TNRC6A: variants seen among roughly 807,000 people sequenced by gnomAD.
The protein encoded by TNRC6A is trinucleotide repeat containing adaptor 6A.
Under a neutral mutation model 221.2 loss-of-function variants are expected in TNRC6A, and 44 were observed. The observed-to-expected ratio is 0.20, with a 90% confidence interval of 0.16 to 0.26. The LOEUF is 0.26. Ranked by LOEUF, TNRC6A falls within the 10% of genes least tolerant of loss-of-function variation. The probability of loss-of-function intolerance (pLI) is 1.00; values close to 1 mark genes in which losing one functional copy is unlikely to be tolerated. For synonymous variants in TNRC6A, 847 were observed against 838.5 expected (o/e 1.01, Z -0.18); for missense variants, 2,199 against 2,404.4 (o/e 0.91, Z 1.79).
intron 2 of TNRC6A, among the ~76,000 whole-genome samples, chr16:24,694,408 C>T (rs1304851728): frequency 6.6e-6 from 1 of 152,124 alleles, no homozygotes; most frequent in African/African-American, 2.4e-5. Context: ...GTAATCCCAG[C>T]ACTTTGGGAG....
At chr16:24,768,432 CAAA>C (rs35193077) in intron 4 of TNRC6A, among the ~76,000 whole-genome samples, 9 of 89,176 alleles carry the variant, frequency 1.0e-4, no homozygotes, top group Non-Finnish European at 1.5e-4. Context: ...GACTCTGTCT[CAAA>C]AAAAAAAAAA....
In TNRC6A at chr16:24,824,073, C is replaced by A; in HGVS notation, c.*266C>A. The A allele has an allele frequency of 3.5e-5, 8 of 226,044 alleles. No homozygotes were observed. The highest frequency in any genetic ancestry group is 1.5e-4 in the East Asian group (2 of 13,730). 14.0% of individuals were successfully genotyped at this position (226,044 alleles called of 1,614,324 possible). The stretch of plus-strand genomic sequence containing the variant: ...GAGAATGAGCTCGCTTGTGTCTATT[C>A]ATCATGTTTAGCCTTTGGATTCTTT... On this transcript the variant is annotated 3_prime_UTR_variant, in exon 25 of 25. Coordinates refer to ENST00000395799, the MANE Select transcript of TNRC6A (RefSeq NM_014494.4).
chr16:24,822,059 C>CA lies in TNRC6A; in HGVS notation c.5303-18_5303-17insA. On this transcript the variant is annotated splice_polypyrimidine_tract_variant and intron_variant, in intron 22 of 24. Transcript: ENST00000395799. ...TTCAGTCCTGGAAAACTGACTTGTC[C>CA]TTTTTTTCCTTGTTTAGGTTCCAGC... is the stretch of plus-strand genomic sequence containing the variant. The CA allele has an allele frequency of 6.2e-7, 1 of 1,613,812 alleles. No individual in the cohort carries two copies. Among genetic ancestry groups the CA allele is most frequent in the Non-Finnish European group, 8.5e-7 (1 of 1,179,744 alleles).
chr16:24,638,174 T>G (rs991259625), intron 1 of TNRC6A, among the ~76,000 whole-genome samples: 1 of 152,154 alleles, frequency 6.6e-6, no homozygotes, highest in Non-Finnish European at 1.5e-5. Flanking sequence ...TCCCAGCATT[T>G]TGGGAGGCCG....
chr16:24,655,003 G>T (rs1902883537), intron 2 of TNRC6A, among the ~76,000 whole-genome samples: 1 of 152,146 alleles, frequency 6.6e-6, no homozygotes, highest in Non-Finnish European at 1.5e-5. Context: ...AGCACTTTGG[G>T]AGCCCAAGGT....
chr16:24,682,961 T>C (rs918115211), intron 2 of TNRC6A, among the ~76,000 whole-genome samples: 2 of 152,102 alleles, frequency 1.3e-5, no homozygotes, highest in Non-Finnish European at 2.9e-5. Context: ...AGATAGTTGT[T>C]TACATTCTAA....
chr16:24,776,823 T>G (rs56109657), intron 4 of TNRC6A, 110 bp from the exon 5 acceptor site: 3 of 1,511,132 alleles, frequency 2.0e-6, no homozygotes, highest in Admixed American at 2.3e-5. Context: ...ACAGAAAGCT[T>G]CTGTTTTTTT....
chr16:24,784,093 C>G (rs1038560825), intron 5 of TNRC6A, among the ~76,000 whole-genome samples: 1 of 152,166 alleles, frequency 6.6e-6, no homozygotes, highest in Non-Finnish European at 1.5e-5. Context: ...CCTCCACCTC[C>G]TGGGTTCAAA....
chr16:24,802,502 T>C (rs547619472), intron 11 of TNRC6A, among the ~76,000 whole-genome samples: 16 of 152,108 alleles, frequency 1.1e-4, no homozygotes, highest in Middle Eastern at 3.2e-3. Flanking sequence ...TGAGCCAAGA[T>C]TGTGCCACTA....
At chr16:24,706,537 C>G (rs568086840) in intron 2 of TNRC6A, among the ~76,000 whole-genome samples, 1 of 151,794 alleles carries the variant, frequency 6.6e-6, no homozygotes, top group African/African-American at 2.4e-5. Context: ...CGGTGAAACC[C>G]CATCTCCACT....
chr16:24,793,739 T>G, intron 7 of TNRC6A, 90 bp downstream of exon 7: 1 of 1,058,498 alleles, frequency 9.4e-7, no homozygotes, highest in Non-Finnish European at 1.2e-6. Context: ...GTTTCTATGT[T>G]ATTTATAATA....
intron 11 of TNRC6A, among the ~76,000 whole-genome samples, chr16:24,802,272 G>A (rs1410137183): frequency 2.0e-5 from 3 of 152,176 alleles, no homozygotes; most frequent in African/African-American, 7.2e-5. Flanking sequence ...AATGAGGCCG[G>A]GCACAGTGGC....
Position 24,804,288 on chromosome 16 carries a change from C to G in TNRC6A, c.3806C>G (p.Ser1269Cys). ...PGSRPQISKESSMERNPYFDK... is the reference protein window; with the variant it reads ...PGSRPQISKECSMERNPYFDK... ...TCTCGGCCTCAGATTTCCAAAGAGT[C>G]TTCCATGGAGCGCAATCCTTATTTT... The change falls in exon 12 of 25, where the codon TCT (serine) becomes TGT (cysteine). Residue 1269 changes from serine (S) to cysteine (C), a missense_variant. Coordinates refer to ENST00000395799, the MANE Select transcript of TNRC6A (RefSeq NM_014494.4). 1 of 1,613,474 alleles carries G rather than the reference C, an allele frequency of 6.2e-7. No homozygotes were observed. Among genetic ancestry groups the G allele is most frequent in the South Asian group, 1.1e-5 (1 of 90,912 alleles).
rs1321912321 is a variant in TNRC6A at position 24,815,527 on chromosome 16, G to A, written c.4831+222G>A. ...CCTTTATGCTCAAGCAGCAGAGGTA[G>A]AAGTGAGCCCCATTGACCAGCATGA... is the stretch of plus-strand genomic sequence containing the variant. On this transcript the variant is annotated intron_variant, in intron 19 of 24. Transcript: ENST00000395799. 4 of 561,954 alleles carry A rather than the reference G, an allele frequency of 7.1e-6. No homozygotes were observed. In the African/African-American group the frequency reaches 7.5e-5, roughly 11 times the overall value. 34.8% of individuals were successfully genotyped at this position (561,954 alleles called of 1,614,324 possible).
At chr16:24,799,620 G>A (rs1224070944) in intron 11 of TNRC6A, among the ~76,000 whole-genome samples, 3 of 152,120 alleles carry the variant, frequency 2.0e-5, no homozygotes, top group African/African-American at 7.2e-5. Context: ...AAAATGCTTG[G>A]CCTATACAAA....
chr16:24,703,427 T>C (rs1223705950), intron 2 of TNRC6A, among the ~76,000 whole-genome samples: 1 of 152,166 alleles, frequency 6.6e-6, no homozygotes, highest in Non-Finnish European at 1.5e-5. Context: ...TGTGCTAAAT[T>C]TTGTTAGCTA....
chr16:24,660,154 C>A, intron 2 of TNRC6A, among the ~76,000 whole-genome samples: 1 of 151,992 alleles, frequency 6.6e-6, no homozygotes, highest in East Asian at 1.9e-4. Flanking sequence ...AGTGGTGATG[C>A]GTGAGATTTT....
chr16:24,823,361 C>T lies in TNRC6A; in HGVS notation c.5514-71C>T. ...CTTTTCTAGCAGAGACAAGTTGCAC[C>T]CTCACTTGTGAGTGAATGAAGCCCT... On this transcript the variant is annotated intron_variant, in intron 24 of 24. Transcript: ENST00000395799. This position sits in a 1 kb window ranked among gnomAD's most constrained non-coding sequence, Gnocchi z 4.3. The T allele has an allele frequency of 1.1e-5, 16 of 1,519,776 alleles. No individual in the cohort carries two copies. Among genetic ancestry groups the T allele is most frequent in the Non-Finnish European group, 1.4e-5 (16 of 1,129,374 alleles). The allele number at this position is 1,519,776 out of a possible 1,614,324, so 94.1% of individuals were successfully genotyped here.
chr16:24,759,658 T>G (rs552568476), intron 4 of TNRC6A, among the ~76,000 whole-genome samples: 118 of 152,284 alleles, frequency 7.7e-4, no homozygotes, highest in African/African-American at 2.7e-3. Flanking sequence ...GTCATGGTCA[T>G]AAGCTGTGGA....
Sources: gnomAD v4.1 joint callset for allele counts (sites outside exome capture counted in the v4.1 genomes callset) on GRCh38, gnomAD v4.1.1 for gene constraint, Gnocchi (gnomAD v3.1) non-coding constraint, MANE v1.5 for transcripts, NCBI Gene and HGNC (gene_info 2026-07-23, HGNC 2026-07-21) for gene names.